ZDHHC14: variants seen among roughly 807,000 people sequenced by gnomAD.
The protein encoded by ZDHHC14 is zDHHC palmitoyltransferase 14, also known as palmitoyltransferase ZDHHC14.
In ZDHHC14, 16 loss-of-function variants were observed where a neutral mutation model predicts 47.7. The ratio of observed to expected loss-of-function variants is 0.34; its 90% CI spans 0.23 to 0.51. The LOEUF is 0.51. Ranked by LOEUF, ZDHHC14 falls within the 20% of genes least tolerant of loss-of-function variation. The pLI is 0.97. For synonymous variants in ZDHHC14, 293 were observed against 278.9 expected (o/e 1.05, Z -0.50); for missense variants, 515 against 662.5 (o/e 0.78, Z 2.44).
At chr6:157,410,156 T>C (rs563575980) in intron 1 of ZDHHC14, among the ~76,000 whole-genome samples, 17 of 152,320 alleles carry the variant, frequency 1.1e-4, no homozygotes, top group African/African-American at 4.1e-4. Flanking sequence ...TCTCAGCACT[T>C]CCCAGACTGT....
chr6:157,415,696 G>A (rs963314430), intron 1 of ZDHHC14, among the ~76,000 whole-genome samples: 8 of 152,054 alleles, frequency 5.3e-5, no homozygotes, highest in Non-Finnish European at 8.8e-5. Context: ...CCAACATGGT[G>A]AAACCCCGTC....
In ZDHHC14 at chr6:157,422,698, G is replaced by A. The variant is rs143599495; in HGVS notation, c.245+40432G>A. 1.7e-3 allele frequency among the ~76,000 whole-genome samples: 258 copies of A among 152,308 alleles called. 2 individuals carry two copies. The highest frequency in any genetic ancestry group is 6.0e-3 in the African/African-American group (248 of 41,556). ...TACTCTCCATGATCAGGACGGGCAC[G>A]GTAAGCCCTCTCTGTGATAACCAGG... is the stretch of plus-strand genomic sequence containing the variant. On this transcript the variant is annotated intron_variant, in intron 1 of 8. Coordinates refer to ENST00000359775, the MANE Select transcript of ZDHHC14 (RefSeq NM_024630.3).
chr6:157,569,682 TG>T (rs1783027863), intron 2 of ZDHHC14, among the ~76,000 whole-genome samples: 1 of 152,156 alleles, frequency 6.6e-6, no homozygotes, highest in African/African-American at 2.4e-5. Flanking sequence ...TTTAAAATAC[TG>T]AATCTTCCAC....
At chr6:157,475,836 A>G (rs1038270007) in intron 1 of ZDHHC14, among the ~76,000 whole-genome samples, 1 of 152,170 alleles carries the variant, frequency 6.6e-6, no homozygotes, top group Non-Finnish European at 1.5e-5. Flanking sequence ...CCCTTAGACA[A>G]CCAATTTCTT....
intron 3 of ZDHHC14, among the ~76,000 whole-genome samples, chr6:157,599,509 G>A (rs912897381): frequency 3.9e-5 from 6 of 152,202 alleles, no homozygotes; most frequent in Non-Finnish European, 8.8e-5. Context: ...CCCACACTCA[G>A]CATCTATAAT....
At chr6:157,595,646 A>G (rs1003996924) in intron 3 of ZDHHC14, among the ~76,000 whole-genome samples, 2 of 152,144 alleles carry the variant, frequency 1.3e-5, no homozygotes, top group Non-Finnish European at 2.9e-5. Context: ...GTGTCCCTTA[A>G]AGAACCCTGA....
At chr6:157,540,793 G>A (rs1157831412) in intron 1 of ZDHHC14, among the ~76,000 whole-genome samples, 2 of 144,878 alleles carry the variant, frequency 1.4e-5, no homozygotes, top group Non-Finnish European at 3.0e-5. Flanking sequence ...TAACCATTTT[G>A]TAACAAAAAA....
intron 1 of ZDHHC14, among the ~76,000 whole-genome samples, chr6:157,470,451 T>C (rs1259068568): frequency 5.9e-5 from 9 of 152,200 alleles, no homozygotes; most frequent in Admixed American, 4.6e-4. Flanking sequence ...ATAAGGAAGA[T>C]TATGTATCAA....
intron 1 of ZDHHC14, among the ~76,000 whole-genome samples, chr6:157,459,617 G>T (rs1323299739): frequency 6.6e-6 from 1 of 152,134 alleles, no homozygotes; most frequent in Non-Finnish European, 1.5e-5. Flanking sequence ...AGAGCCTCAG[G>T]GTGGGAGCCT....
chr6:157,579,290 C>T (rs151232721), intron 2 of ZDHHC14, among the ~76,000 whole-genome samples: 2,804 of 149,848 alleles, frequency 0.019, 94 homozygotes, highest in African/African-American at 0.066. Context: ...CTCTGCCTCC[C>T]GGGTTCATGC....
chr6:157,414,950 G>T (rs181349085), intron 1 of ZDHHC14, among the ~76,000 whole-genome samples: 33 of 149,660 alleles, frequency 2.2e-4, no homozygotes, highest in African/African-American at 7.6e-4. Flanking sequence ...TTGGATCTTC[G>T]TAACTCTCAT....
At chr6:157,540,303 CAG>C (rs1389247703) in intron 1 of ZDHHC14, among the ~76,000 whole-genome samples, 1 of 152,152 alleles carries the variant, frequency 6.6e-6, no homozygotes, top group Non-Finnish European at 1.5e-5. Flanking sequence ...CCCAACCCTG[CAG>C]AGAGTGCACT....
chr6:157,556,180 T>C (rs1782452471), intron 2 of ZDHHC14, among the ~76,000 whole-genome samples: 1 of 150,062 alleles, frequency 6.7e-6, no homozygotes, highest in Non-Finnish European at 1.5e-5. Context: ...TTGGTTCGTG[T>C]TGTGGTGGGT....
intron 3 of ZDHHC14, among the ~76,000 whole-genome samples, chr6:157,613,947 A>G (rs772237981): frequency 1.1e-4 from 16 of 152,200 alleles, no homozygotes; most frequent in Non-Finnish European, 2.2e-4. Flanking sequence ...GAAAGGGCTG[A>G]CAGTTTTAGT....
In ZDHHC14 at chr6:157,581,369, G is replaced by A. The variant is rs555334907; in HGVS notation, c.407-11619G>A. On this transcript the variant is annotated intron_variant, in intron 2 of 8. Coordinates refer to ENST00000359775, the MANE Select transcript of ZDHHC14 (RefSeq NM_024630.3). ...TGGTCAATTTAAGAGTACGTGCTAT[G>A]TGGCAATCAGAAGAATGTATATTCT... Among the ~76,000 whole-genome samples, 4 of 151,798 alleles carry A rather than the reference G, an allele frequency of 2.6e-5. No individual in the cohort carries two copies. The East Asian group carries it at 5.8e-4, about 22-fold the overall frequency.
At chr6:157,588,472 A>G (rs966122188) in intron 2 of ZDHHC14, among the ~76,000 whole-genome samples, 1 of 152,168 alleles carries the variant, frequency 6.6e-6, no homozygotes, top group Non-Finnish European at 1.5e-5. Context: ...ATTAAAAAAT[A>G]TACATTTTTT....
chr6:157,393,966 C>T (rs1278002120), intron 1 of ZDHHC14, among the ~76,000 whole-genome samples: 1 of 152,186 alleles, frequency 6.6e-6, no homozygotes, highest in African/African-American at 2.4e-5. Flanking sequence ...CACCTGCCCC[C>T]TGACCTGGCA....
chr6:157,472,407 G>T (rs2114826978), intron 1 of ZDHHC14, among the ~76,000 whole-genome samples: 1 of 152,222 alleles, frequency 6.6e-6, no homozygotes, highest in South Asian at 2.1e-4. Context: ...TATCCAGCAG[G>T]TGCACGTGTC....
chr6:157,531,497 C>CCCCGCT (rs1448957479), intron 1 of ZDHHC14, among the ~76,000 whole-genome samples: 1 of 152,124 alleles, frequency 6.6e-6, no homozygotes, highest in Non-Finnish European at 1.5e-5. Context: ...CACCAACACC[C>CCCCGCT]CCCGCTCCGG....
Sources: gnomAD v4.1 joint callset for allele counts (sites outside exome capture counted in the v4.1 genomes callset) on GRCh38, gnomAD v4.1.1 for gene constraint, MANE v1.5 for transcripts, NCBI Gene and HGNC (gene_info 2026-07-23, HGNC 2026-07-21) for gene names.